CDH4: variants seen among roughly 807,000 people sequenced by gnomAD.
The protein encoded by CDH4 is cadherin 4.
Under a neutral mutation model 86.0 loss-of-function variants are expected in CDH4, and 33 were observed. The ratio of observed to expected loss-of-function variants is 0.38; its 90% CI spans 0.29 to 0.51. The LOEUF is 0.51. CDH4 is among the 20% of genes least tolerant of loss of function. The pLI is 0.86. For missense variants in CDH4, 1,114 were observed against 1,307.4 expected (o/e 0.85, Z 2.28); for synonymous variants, 555 against 549.4 (o/e 1.01, Z -0.14).
rs1351538889 is a variant in CDH4 at position 61,256,769 on chromosome 20, TG to T, written c.169+1835del. Among the ~76,000 whole-genome samples the T allele has an allele frequency of 2.6e-5, 4 of 152,358 alleles. No individual in the cohort carries two copies. In the East Asian group the frequency reaches 5.8e-4, roughly 22 times the overall value. On this transcript the variant is annotated intron_variant, in intron 2 of 15. Transcript: ENST00000614565. ...GAATCTCCCAAGCACCTGAGCATGCTGGGTCCTCTCTGACCCTCCTCTAGGG... is the reference window on the plus strand; with the variant it reads ...GAATCTCCCAAGCACCTGAGCATGCTGGTCCTCTCTGACCCTCCTCTAGGG...
chr20:61,849,190 C>T (rs1982598910), intron 5 of CDH4, among the ~76,000 whole-genome samples: 1 of 152,042 alleles, frequency 6.6e-6, no homozygotes, highest in Non-Finnish European at 1.5e-5. Flanking sequence ...AGATGGAGGC[C>T]TTGGGGATGC....
chr20:61,780,446 C>A (rs8120826), intron 4 of CDH4, among the ~76,000 whole-genome samples: 2 of 152,078 alleles, frequency 1.3e-5, no homozygotes, highest in Non-Finnish European at 2.9e-5. Context: ...ATTGTCTGCA[C>A]CCCCCACTAA....
intron 4 of CDH4, among the ~76,000 whole-genome samples, chr20:61,821,206 T>TCACTCCCCATGCAGCCCCCA (rs1981011274): frequency 1.2e-5 from 1 of 81,354 alleles, no homozygotes; most frequent in Non-Finnish European, 2.4e-5. Context: ...TCCAGTCCCC[T>TCACTCCCCATGCAGCCCCCA]CACTCCCCAT....
intron 2 of CDH4, among the ~76,000 whole-genome samples, chr20:61,611,763 G>A (rs574255753): frequency 1.8e-4 from 28 of 152,256 alleles, no homozygotes; most frequent in Middle Eastern, 6.8e-3. Flanking sequence ...CTTGAACCGG[G>A]AAGCAAGCTC....
intron 14 of CDH4, 128 bp from the exon 15 acceptor site, chr20:61,933,928 A>T: frequency 9.8e-7 from 1 of 1,021,140 alleles, no homozygotes; most frequent in Non-Finnish European, 1.5e-6. Flanking sequence ...GTTCTGTGGG[A>T]TGCTTGGAGA....
intron 7 of CDH4, among the ~76,000 whole-genome samples, chr20:61,882,191 G>A (rs1390723024): frequency 6.6e-6 from 1 of 152,184 alleles, no homozygotes; most frequent in Non-Finnish European, 1.5e-5. Context: ...CGAGAAGCCT[G>A]TGTCTGGCTT....
intron 2 of CDH4, among the ~76,000 whole-genome samples, chr20:61,289,568 C>T (rs1385650307): frequency 1.3e-5 from 2 of 152,228 alleles, no homozygotes; most frequent in East Asian, 1.9e-4. Flanking sequence ...AGTGTGACCA[C>T]AGGCCAGTGG....
intron 2 of CDH4, among the ~76,000 whole-genome samples, chr20:61,257,832 TAGGCAC>T (rs2084107414): frequency 1.3e-5 from 2 of 152,208 alleles, no homozygotes; most frequent in Non-Finnish European, 2.9e-5. Flanking sequence ...GGGCGGAGTC[TAGGCAC>T]ACCCAGACCC....
At chr20:61,408,218 C>T (rs1450451651) in intron 2 of CDH4, among the ~76,000 whole-genome samples, 3 of 152,156 alleles carry the variant, frequency 2.0e-5, no homozygotes, top group African/African-American at 7.2e-5. Context: ...CTCTGCATCT[C>T]GAACTCCTTA....
At chr20:61,318,683 A>T (rs1277437900) in intron 2 of CDH4, among the ~76,000 whole-genome samples, 1 of 152,212 alleles carries the variant, frequency 6.6e-6, no homozygotes, top group Non-Finnish European at 1.5e-5. Flanking sequence ...ACTGATGAGG[A>T]AATTAGAAGC....
At chr20:61,692,150 T>C (rs563004457) in intron 2 of CDH4, among the ~76,000 whole-genome samples, 1 of 148,566 alleles carries the variant, frequency 6.7e-6, no homozygotes, top group East Asian at 1.9e-4. Context: ...TGTATGTGTG[T>C]ATGTATGTGT....
chr20:61,390,860 T>G (rs1329558967), intron 2 of CDH4, among the ~76,000 whole-genome samples: 1 of 152,256 alleles, frequency 6.6e-6, no homozygotes, highest in Non-Finnish European at 1.5e-5. Flanking sequence ...AGGGTGCCCA[T>G]AGCACCATGT....
At chr20:61,561,791 G>C (rs758161027) in intron 2 of CDH4, among the ~76,000 whole-genome samples, 19 of 152,232 alleles carry the variant, frequency 1.2e-4, no homozygotes, top group Non-Finnish European at 2.1e-4. Flanking sequence ...TCTGACCCCT[G>C]CTTTAGGAAC....
chr20:61,302,493 G>A (rs920519270), intron 2 of CDH4, among the ~76,000 whole-genome samples: 4 of 151,654 alleles, frequency 2.6e-5, no homozygotes, highest in African/African-American at 4.9e-5. Context: ...GGTTGGGGGG[G>A]GTCTGTTGTC....
At chr20:61,782,031 G>A (rs931263902) in intron 4 of CDH4, among the ~76,000 whole-genome samples, 1 of 152,172 alleles carries the variant, frequency 6.6e-6, no homozygotes, top group Non-Finnish European at 1.5e-5. Flanking sequence ...GTGAAGCCGG[G>A]CATGGTGGTT....
intron 2 of CDH4, among the ~76,000 whole-genome samples, chr20:61,264,711 TC>T (rs1220526945): frequency 6.7e-6 from 1 of 148,800 alleles, no homozygotes. Flanking sequence ...CTTCATTCAG[TC>T]CTACACATAC....
intron 2 of CDH4, among the ~76,000 whole-genome samples, chr20:61,632,343 C>T (rs1479816286): frequency 6.6e-6 from 1 of 152,162 alleles, no homozygotes; most frequent in African/African-American, 2.4e-5. Context: ...ACAATACCCA[C>T]TATATCACCC....
chr20:61,354,806 G>A (rs746176600), intron 2 of CDH4, among the ~76,000 whole-genome samples: 26 of 152,194 alleles, frequency 1.7e-4, no homozygotes, highest in Non-Finnish European at 3.5e-4. Context: ...TAGTCACACT[G>A]TCATGTTGCT....
intron 2 of CDH4, among the ~76,000 whole-genome samples, chr20:61,601,316 C>G (rs1366831581): frequency 1.3e-5 from 2 of 152,148 alleles, no homozygotes; most frequent in African/African-American, 2.4e-5. Context: ...CCCCATGACC[C>G]AACACCTCCC....
Sources: allele counts gnomAD v4.1 joint callset (sites outside exome capture counted in the v4.1 genomes callset), GRCh38; gene constraint gnomAD v4.1.1; transcripts MANE v1.5; gene names NCBI Gene and HGNC (gene_info 2026-07-23, HGNC 2026-07-21).